ASMT: variants seen among roughly 807,000 people sequenced by gnomAD.
ASMT encodes acetylserotonin O-methyltransferase.
Under a neutral mutation model 41.3 loss-of-function variants are expected in ASMT, and 53 were observed. That is an observed-to-expected ratio of 1.28 (90% CI 1.03 to 1.61). The LOEUF (loss-of-function observed/expected upper bound fraction) is 1.61. Among genes scored for constraint, ASMT ranks in the 40% most tolerant of loss-of-function variants. The pLI is 0.00. For missense variants in ASMT, 531 were observed against 441.3 expected, an observed-to-expected ratio of 1.20 and a Z score of -1.82; for synonymous variants, 231 against 184.8, an observed-to-expected ratio of 1.25 and a Z score of -2.03.
At chrX:1,626,607 G>T (rs1465621772) in intron 3 of ASMT, among the ~76,000 whole-genome samples, 1 of 152,090 alleles carries the variant, frequency 6.6e-6, no homozygotes, top group African/African-American at 2.4e-5. Context: ...GTAATATAGG[G>T]TTAAATAAAA....
intron 8 of ASMT, among the ~76,000 whole-genome samples, chrX:1,641,884 G>C (rs774734670): frequency 2.7e-5 from 4 of 148,230 alleles, no homozygotes; most frequent in South Asian, 4.3e-4. Flanking sequence ...CCAGTGTCCT[G>C]TGAGGTCCAC....
intron 4 of ASMT, among the ~76,000 whole-genome samples, chrX:1,629,102 G>A (rs1305865657): frequency 5.7e-5 from 8 of 141,178 alleles, no homozygotes; most frequent in African/African-American, 2.1e-4. Context: ...ATATATGTGT[G>A]TATACATGTG....
At chrX:1,624,564 C>T (rs1421972925) in intron 3 of ASMT, 166 bp downstream of exon 3, 1 of 887,128 alleles carries the variant, frequency 1.1e-6, no homozygotes, top group Non-Finnish European at 1.3e-6. Flanking sequence ...GTGGGGGCTG[C>T]ACCCAGGCAG....
rs781259142 is a variant in ASMT at position 1,627,743 on chromosome X, G to A, written c.415G>A (p.Ala139Thr). Residue 139 changes from alanine to threonine, a missense_variant, in exon 4 of 9, where the codon GCT becomes ACT. Transcript: ENST00000381241. ...GTACCTGGAGACGTTTGGCGTTCCCGCTGAAGAGCTTTTTACGGCCATCTA... is the reference window on the plus strand; with the variant it reads ...GTACCTGGAGACGTTTGGCGTTCCCACTGAAGAGCTTTTTACGGCCATCTA... ...NQYLETFGVP[A>T]EELFTAIYRS... The A allele has an allele frequency of 3.5e-5, 57 of 1,613,932 alleles. No homozygotes were observed. Among genetic ancestry groups the A allele is most frequent in the African/African-American group, 3.5e-4 (26 of 75,026 alleles).
intron 1 of ASMT, among the ~76,000 whole-genome samples, chrX:1,616,855 C>T (rs1329691487): frequency 7.9e-5 from 12 of 151,468 alleles, no homozygotes; most frequent in East Asian, 3.9e-4. Flanking sequence ...ATTACAGGCA[C>T]CCGCCACCAC....
In ASMT at chrX:1,636,520, C is replaced by G. The variant is rs778127578; in HGVS notation, c.870C>G (p.Cys290Trp). Residue 290 changes from cysteine to tryptophan, a missense_variant, in exon 8 of 9, where the codon TGC becomes TGG. Transcript: ENST00000381241. ...RVLHDWADGK[C>W]SHLLERIYHT... Reference sequence around the variant, plus strand: ...TCCATGACTGGGCAGACGGAAAGTGCTCACACCTGCTGGAGAGGATCTACC... The same window carrying G: ...TCCATGACTGGGCAGACGGAAAGTGGTCACACCTGCTGGAGAGGATCTACC... The G allele has an allele frequency of 3.1e-6, 5 of 1,613,856 alleles. No homozygotes were observed. The highest frequency in any genetic ancestry group is 4.2e-6 in the Non-Finnish European group (5 of 1,179,862).
Position 1,642,994 on chromosome X carries a change from G to A in ASMT, c.1102G>A (p.Ala368Thr), listed in dbSNP as rs1935248401. ...TAAGAAAACAGGAGCCATTTATGAT[G>A]CCATTTTAGCCAGGAAATAACTGTT... ...QFKKTGAIYDAILARK is the reference protein window; with the variant it reads ...QFKKTGAIYDTILARK The change falls in exon 9 of 9, where the codon GCC becomes ACC. Residue 368 changes from alanine to threonine, a missense_variant. Physicochemically the swap from Ala to Thr is moderately conservative, Grantham distance 58 (BLOSUM62 0). Coordinates refer to ENST00000381241, the MANE Select transcript of ASMT (RefSeq NM_001171038.2). 3 of 1,613,904 alleles carry A rather than the reference G, an allele frequency of 1.9e-6. No homozygotes were observed. Among genetic ancestry groups the A allele is most frequent in the Non-Finnish European group, 2.5e-6 (3 of 1,179,852 alleles).
At position 1,629,914 on chromosome X, in the gene ASMT, G is replaced by A; in HGVS notation, c.537G>A (p.Val179=). The A allele has an allele frequency of 1.2e-6, 2 of 1,613,952 alleles. No homozygotes were observed. Among genetic ancestry groups the A allele is most frequent in the African/African-American group, 1.3e-5 (1 of 75,024 alleles). Residue 179 remains valine, a synonymous_variant, in exon 5 of 9, where the codon GTG becomes GTA. Coordinates refer to ENST00000381241, the MANE Select transcript of ASMT (RefSeq NM_001171038.2). ...TGCTGACCGCCTTTGACCTGTCAGT[G>A]TTCCCACTTATGTGTGACCTTGGTG... The part of the protein sequence containing the change: ...RSVLTAFDLS[V]FPLMCDLGGT...
chrX:1,618,067 C>CTA lies in ASMT; in HGVS notation c.69+2800_69+2801dup, dbSNP rs1934203865. Among the ~76,000 whole-genome samples, 11 of 152,308 alleles carry CTA rather than the reference C, an allele frequency of 7.2e-5. No individual in the cohort carries two copies. The South Asian group carries it at 2.1e-3, about 29-fold the overall frequency. On this transcript the variant is annotated intron_variant, in intron 1 of 8. Transcript: ENST00000381241. ...CACTGATACGCAGAGCGGCCTCCGC[C>CTA]TACGGGGTTCAAGCGATTCTCCTGC...
At chrX:1,642,279 G>C (rs753828619) in intron 8 of ASMT, among the ~76,000 whole-genome samples, 1 of 150,296 alleles carries the variant, frequency 6.7e-6, no homozygotes, top group East Asian at 2.0e-4. Context: ...GTGTGATGGG[G>C]ACAGTGTCCC....
rs781096376 is a variant in ASMT, at chrX:1,624,312, G to T, written c.288G>T (p.Thr96=). ...NTELSSDYLT[T]VSPTSQCSML... is the part of the protein sequence containing the mutation. ...AGCTGTCCAGCGACTACCTGACCAC[G>T]GTCAGCCCGACGTCACAATGCAGCA... The change falls in exon 3 of 9, where the codon ACG becomes ACT. Residue 96 remains threonine (T), a synonymous_variant. Transcript: ENST00000381241. 1.9e-6 allele frequency: 3 copies of T among 1,613,834 alleles called. No individual in the cohort carries two copies. In the African/African-American group the frequency reaches 4.0e-5, roughly 22 times the overall value.
chrX:1,628,345 G>A (rs1163436342), intron 4 of ASMT, among the ~76,000 whole-genome samples: 3 of 152,126 alleles, frequency 2.0e-5, no homozygotes, highest in Non-Finnish European at 4.4e-5. Flanking sequence ...AAAGAATATA[G>A]AGGCCCAGTT....
Position 1,624,297 on chromosome X carries a change from C to T in ASMT, c.273C>T (p.Ser91=), listed in dbSNP as rs377469364. 4.4e-5 allele frequency: 71 copies of T among 1,613,872 alleles called. No homozygotes were observed. The highest frequency in any genetic ancestry group is 3.3e-4 in the Middle Eastern group (2 of 6,064). ...KAFYRNTELS[S]DYLTTVSPTS... ...TCTATCGAAACACAGAGCTGTCCAG[C>T]GACTACCTGACCACGGTCAGCCCGA... The change falls in exon 3 of 9, where the codon AGC becomes AGT. Residue 91 remains serine (S), a synonymous_variant. Transcript: ENST00000381241.
rs1935249743 is a variant in ASMT, at chrX:1,643,042, CA to C, written c.*31del. ...GTTTCTTGTGACCTGGAACTAACGT[CA>C]AAGCACACAAGACATAATAATAAAG... On this transcript the variant is annotated 3_prime_UTR_variant, in exon 9 of 9. Transcript: ENST00000381241. 1 of 1,604,280 alleles carries C rather than the reference CA, an allele frequency of 6.2e-7. No homozygotes were observed. The highest frequency in any genetic ancestry group is 8.5e-7 in the Non-Finnish European group (1 of 1,171,120).
intron 1 of ASMT, among the ~76,000 whole-genome samples, chrX:1,615,809 A>C (rs1438459290): frequency 1.3e-5 from 2 of 151,792 alleles, no homozygotes; most frequent in Non-Finnish European, 2.9e-5. Context: ...GTCAAAAAAA[A>C]ACCAAACAAA....
At chrX:1,634,466 A>G (rs1274390959) in intron 7 of ASMT, among the ~76,000 whole-genome samples, 1 of 152,174 alleles carries the variant, frequency 6.6e-6, no homozygotes, top group Non-Finnish European at 1.5e-5. Context: ...CACCTCTTCC[A>G]GAGTTCCCAA....
chrX:1,635,886 CA>C (rs1479406868), intron 7 of ASMT, among the ~76,000 whole-genome samples: 1 of 149,316 alleles, frequency 6.7e-6, no homozygotes, highest in Non-Finnish European at 1.5e-5. Context: ...AACAAAAAAA[CA>C]AAAAAGAAAC....
intron 1 of ASMT, among the ~76,000 whole-genome samples, chrX:1,615,825 A>AC (rs1934074558): frequency 1.3e-5 from 2 of 151,602 alleles, no homozygotes; most frequent in Non-Finnish European, 1.5e-5. Context: ...ACAAACAACA[A>AC]AAAAAAAGAA....
Position 1,636,538 on chromosome X carries a change from G to A in ASMT, c.888G>A (p.Arg296=). Residue 296 remains arginine (R), a synonymous_variant, in exon 8 of 9, where the codon AGG becomes AGA. Transcript: ENST00000381241. ...ADGKCSHLLE[R]IYHTCKPGGG... is the part of the protein sequence containing the mutation. ...GAAAGTGCTCACACCTGCTGGAGAG[G>A]ATCTACCACACTTGCAAGCCAGGTA... is the stretch of plus-strand genomic sequence containing the variant. The A allele has an allele frequency of 6.2e-7, 1 of 1,613,396 alleles. No homozygotes were observed. Among genetic ancestry groups the A allele is most frequent in the Non-Finnish European group, 8.5e-7 (1 of 1,179,822 alleles).
Sources: allele counts gnomAD v4.1 joint callset (sites outside exome capture counted in the v4.1 genomes callset), GRCh38; gene constraint gnomAD v4.1.1; transcripts MANE v1.5; gene names NCBI Gene and HGNC (gene_info 2026-07-23, HGNC 2026-07-21).